The following CAPRIN1 variants were observed in gnomAD, a reference collection of about 807,000 sequenced individuals.
CAPRIN1 encodes caprin-1.
CAPRIN1 carries 29 observed loss-of-function variants against 100.9 expected under a neutral mutation model. The ratio of observed to expected loss-of-function variants is 0.29; its 90% CI spans 0.21 to 0.39. CAPRIN1 has a LOEUF of 0.39. Ranked by LOEUF, CAPRIN1 falls within the 10% of genes least tolerant of loss-of-function variation. The probability of loss-of-function intolerance (pLI) is 1.00; values close to 1 mark genes in which losing one functional copy is unlikely to be tolerated. For missense variants in CAPRIN1, 795 were observed against 876.7 expected, an observed-to-expected ratio of 0.91 and a Z score of 1.18; for synonymous variants, 338 against 307.5, an observed-to-expected ratio of 1.10 and a Z score of -1.04.
chr11:34,062,665 A>G (rs1850605768), intron 2 of CAPRIN1, among the ~76,000 whole-genome samples: 1 of 151,764 alleles, frequency 6.6e-6, no homozygotes, highest in South Asian at 2.1e-4. Flanking sequence ...AAGATTATGG[A>G]AAGTTGAGAG....
chr11:34,054,308 TAACA>T (rs1400062638), intron 2 of CAPRIN1, among the ~76,000 whole-genome samples: 1 of 152,208 alleles, frequency 6.6e-6, no homozygotes, highest in Non-Finnish European at 1.5e-5. Context: ...ATCAAGAAAG[TAACA>T]AAAGTATTTT....
intron 2 of CAPRIN1, chr11:34,055,647 G>C (rs2134081003): frequency 6.6e-6 from 1 of 152,254 alleles, no homozygotes; most frequent in East Asian, 1.9e-4. Context: ...TCATAAAGGA[G>C]AAAATAATGT....
intron 4 of CAPRIN1, among the ~76,000 whole-genome samples, chr11:34,074,599 T>C (rs1172084113): frequency 6.6e-6 from 1 of 152,194 alleles, no homozygotes; most frequent in South Asian, 2.1e-4. Context: ...AAGACCTTCC[T>C]GGGCAGGGTG....
At chr11:34,074,620 C>T (rs1453486928) in intron 4 of CAPRIN1, among the ~76,000 whole-genome samples, 2 of 152,174 alleles carry the variant, frequency 1.3e-5, no homozygotes, top group African/African-American at 2.4e-5. Context: ...TGGTTGCTCA[C>T]GCCTGTAACC....
Position 34,092,008 on chromosome 11 carries a change from C to T in CAPRIN1, c.1657C>T (p.Pro553Ser), listed in dbSNP as rs1590745930. 1.2e-6 allele frequency: 2 copies of T among 1,614,114 alleles called. No individual in the cohort carries two copies. Among genetic ancestry groups the T allele is most frequent in the East Asian group, 2.2e-5 (1 of 44,874 alleles). The change falls in exon 15 of 19, where the codon CCT (proline) becomes TCT (serine). Residue 553 changes from proline to serine, a missense_variant. Around this residue, in one of 3 missense-constraint regions of CAPRIN1, gnomAD observed 648 missense variants for 697.9 expected, o/e 0.93. Coordinates refer to ENST00000341394, the MANE Select transcript of CAPRIN1 (RefSeq NM_005898.5). Reference sequence around the variant, plus strand: ...TTATAACCAGAGCTTTTCTAGTCAGCCTCACCAAGTAGAACAAACAGAGCT... The same window carrying T: ...TTATAACCAGAGCTTTTCTAGTCAGTCTCACCAAGTAGAACAAACAGAGCT... ...ASYNQSFSSQ[P>S]HQVEQTELQQ...
Position 34,097,687 on chromosome 11 carries a change from T to C in CAPRIN1, c.2002-11T>C. 1 of 1,614,032 alleles carries C rather than the reference T, an allele frequency of 6.2e-7. No individual in the cohort carries two copies. The highest frequency in any genetic ancestry group is 8.5e-7 in the Non-Finnish European group (1 of 1,179,910). On this transcript the variant is annotated splice_polypyrimidine_tract_variant and intron_variant, in intron 17 of 18. Coordinates refer to ENST00000341394, the MANE Select transcript of CAPRIN1 (RefSeq NM_005898.5). ...AAGTACCTTTTCAATACTAACTAGC[T>C]TGTCTTTTAGGATGGATATCAGCAG...
chr11:34,081,907 G>A (rs577207264), intron 7 of CAPRIN1, among the ~76,000 whole-genome samples: 1 of 152,176 alleles, frequency 6.6e-6, no homozygotes, highest in African/African-American at 2.4e-5. Flanking sequence ...TGCCTCCCGG[G>A]TTCAAGCGAT....
chr11:34,070,304 T>C (rs1177912042), intron 2 of CAPRIN1, among the ~76,000 whole-genome samples: 3 of 152,238 alleles, frequency 2.0e-5, no homozygotes, highest in African/African-American at 7.2e-5. Context: ...TTGACTTGTG[T>C]ATTAGTGAGG....
At chr11:34,072,022 CTT>C in intron 4 of CAPRIN1, 35 bp downstream of exon 4, 1 of 1,427,616 alleles carries the variant, frequency 7.0e-7, no homozygotes, top group Non-Finnish European at 9.8e-7. Context: ...TTATGAAATA[CTT>C]TTGTTGTTTC....
At chr11:34,089,267 C>A (rs1851214032) in intron 11 of CAPRIN1, 128 bp from the exon 12 acceptor site, 4 of 4,214 alleles carry the variant, frequency 9.5e-4, no homozygotes, top group Non-Finnish European at 3.2e-3. Flanking sequence ...AGACACTCCC[C>A]CCCCCCCCCC....
chr11:34,094,184 T>C (rs1163828432), intron 15 of CAPRIN1, among the ~76,000 whole-genome samples: 1 of 151,928 alleles, frequency 6.6e-6, no homozygotes, highest in Non-Finnish European at 1.5e-5. Context: ...TGTGGGCCGT[T>C]GTCCAGTGCA....
intron 2 of CAPRIN1, among the ~76,000 whole-genome samples, chr11:34,062,413 CAGG>C (rs1850599929): frequency 6.6e-6 from 1 of 152,056 alleles, no homozygotes; most frequent in African/African-American, 2.4e-5. Flanking sequence ...ATCACGAGGT[CAGG>C]AGATCAAGAC....
chr11:34,070,778 C>T (rs1850791298), intron 2 of CAPRIN1, among the ~76,000 whole-genome samples: 1 of 152,038 alleles, frequency 6.6e-6, no homozygotes, highest in Non-Finnish European at 1.5e-5. Context: ...TCTCGGCTCA[C>T]CGCAGCCTCT....
chr11:34,091,424 C>G (rs533794026), intron 14 of CAPRIN1, among the ~76,000 whole-genome samples: 1 of 152,106 alleles, frequency 6.6e-6, no homozygotes, highest in Non-Finnish European at 1.5e-5. Flanking sequence ...GTAGCTGACA[C>G]TCCAGGCATA....
chr11:34,083,157 C>A, intron 9 of CAPRIN1, 116 bp downstream of exon 9: 1 of 707,548 alleles, frequency 1.4e-6, no homozygotes, highest in Admixed American at 2.4e-5. Flanking sequence ...ATTATAATAA[C>A]AGACTCATTA....
At chr11:34,075,860 A>G (rs995953814) in intron 4 of CAPRIN1, among the ~76,000 whole-genome samples, 7 of 152,242 alleles carry the variant, frequency 4.6e-5, no homozygotes, top group Admixed American at 3.9e-4. Context: ...AAACAATACA[A>G]TGAAACTCTT....
chr11:34,086,645 C>T (rs959066764), intron 11 of CAPRIN1, among the ~76,000 whole-genome samples: 15 of 152,186 alleles, frequency 9.9e-5, no homozygotes, highest in Middle Eastern at 3.4e-3. Flanking sequence ...GAAAAATATA[C>T]GCAAGTTTAA....
In CAPRIN1 at chr11:34,082,175, CTTTATTTTTATTT is replaced by C. The variant is rs541801858; in HGVS notation, c.827-633_827-621del. Among the ~76,000 whole-genome samples, 1,437 of 152,092 alleles carry C rather than the reference CTTTATTTTTATTT, an allele frequency of 9.4e-3. 21 individuals carry two copies. The highest frequency in any genetic ancestry group is 0.033 in the African/African-American group (1,357 of 41,502). On this transcript the variant is annotated intron_variant, in intron 7 of 18. Coordinates refer to ENST00000341394, the MANE Select transcript of CAPRIN1 (RefSeq NM_005898.5). ...TTATGGCATCATTTCTAAAAATAGA[CTTTATTTTTATTT>C]TTTATTTTTATTTTTTGAGATGGAG...
At chr11:34,090,890 T>G (rs1194249001) in intron 14 of CAPRIN1, among the ~76,000 whole-genome samples, 1 of 152,236 alleles carries the variant, frequency 6.6e-6, no homozygotes, top group African/African-American at 2.4e-5. Flanking sequence ...ATGAGTGATG[T>G]GCCTGTATCA....
Sources: allele counts gnomAD v4.1 joint callset (sites outside exome capture counted in the v4.1 genomes callset), GRCh38; gene constraint gnomAD v4.1.1; regional missense constraint gnomAD v4.1.1; transcripts MANE v1.5; gene names NCBI Gene and HGNC (gene_info 2026-07-23, HGNC 2026-07-21).